Variants in PRSS23 observed in about 807,000 individuals in gnomAD.
PRSS23 encodes the protein protease, serine 23.
PRSS23 carries 25 observed loss-of-function variants against 34.7 expected under a neutral mutation model. The observed-to-expected ratio is 0.72, with a 90% CI of 0.53 to 1.01. The LOEUF (loss-of-function observed/expected upper bound fraction) is 1.01. Ranked by LOEUF, PRSS23 falls within the 50% of genes least tolerant of loss-of-function variation. The pLI is 0.00. For synonymous variants in PRSS23, 176 were observed against 186.6 expected (o/e 0.94, Z 0.46); for missense variants, 445 against 475.6 (o/e 0.94, Z 0.60).
chr11:86,807,498 T>G, intron 1 of PRSS23, 133 bp from the exon 2 acceptor site: 2 of 877,670 alleles, frequency 2.3e-6, no homozygotes, highest in Non-Finnish European at 3.5e-6. Context: ...TAAGGATTCC[T>G]CTCCACACCC....
chr11:86,896,923 T>C (rs1006801049), intron 2 of PRSS23, among the ~76,000 whole-genome samples: 2 of 152,236 alleles, frequency 1.3e-5, no homozygotes, highest in Admixed American at 6.5e-5. Flanking sequence ...ATACATCTTA[T>C]ACATATGTAT....
chr11:86,793,734 T>G (rs1947965224), intron 1 of PRSS23, among the ~76,000 whole-genome samples: 1 of 152,180 alleles, frequency 6.6e-6, no homozygotes, highest in Non-Finnish European at 1.5e-5. Context: ...ATTCATTAAT[T>G]TAATCATTTA....
chr11:86,931,585 T>A (rs1376830644), intron 2 of PRSS23, among the ~76,000 whole-genome samples: 1 of 152,146 alleles, frequency 6.6e-6, no homozygotes, highest in African/African-American at 2.4e-5. Context: ...GAAGGAGACA[T>A]TGACTGGAAA....
chr11:86,809,372 A>G lies in PRSS23; in HGVS notation c.*577A>G, dbSNP rs1948151343. The stretch of plus-strand genomic sequence containing the variant: ...ATGGTAGTCTTTGAACAGTAAAATG[A>G]TGTGTTGACTATACTGATACACATA... On this transcript the variant is annotated 3_prime_UTR_variant, in exon 2 of 2. Coordinates refer to ENST00000280258, the MANE Select transcript of PRSS23 (RefSeq NM_007173.6). 1.2e-5 allele frequency: 2 copies of G among 167,376 alleles called. No individual in the cohort carries two copies. The highest frequency in any genetic ancestry group is 4.8e-5 in the African/African-American group (2 of 41,456). The allele number at this position is 167,376 out of a possible 1,614,324, so 10.4% of individuals were successfully genotyped here. A position where few individuals can be genotyped will look rare whatever the true frequency, so the allele number is the denominator to read the frequency against.
At position 86,855,526 on chromosome 11, in the gene PRSS23, C is replaced by T. The variant is rs57359459; in HGVS notation, c.206+31933C>T. On this transcript the variant is annotated intron_variant, in intron 2 of 2. Transcript: ENST00000533902. ...TGCGTGTGTGTGTGTGATGGAGTCT[C>T]GTTCTCTTGCCCAGGTTGGAGTATA... 9.1e-3 allele frequency among the ~76,000 whole-genome samples: 1,391 copies of T among 152,188 alleles called. 14 individuals are homozygous for T. The highest frequency in any genetic ancestry group is 0.032 in the African/African-American group (1,346 of 41,514).
At chr11:86,875,833 G>C (rs1222515538) in intron 2 of PRSS23, among the ~76,000 whole-genome samples, 1 of 152,168 alleles carries the variant, frequency 6.6e-6, no homozygotes, top group Non-Finnish European at 1.5e-5. Context: ...CAGAGACTTT[G>C]GGCAGACCAA....
intron 1 of PRSS23, among the ~76,000 whole-genome samples, chr11:86,800,919 T>G (rs1948029099): frequency 6.6e-6 from 1 of 151,890 alleles, no homozygotes. Context: ...CCTGCTGTCT[T>G]GGGTGCAGGA....
chr11:86,812,081 G>A (rs1948182561), downstream of PRSS23, among the ~76,000 whole-genome samples: 1 of 152,218 alleles, frequency 6.6e-6, no homozygotes, highest in African/African-American at 2.4e-5. Context: ...TTATCATTCA[G>A]AATGGGATTC....
rs553359562 is a variant in PRSS23 at position 86,888,429 on chromosome 11, C to T, written c.207-62787C>T. On this transcript the variant is annotated intron_variant, in intron 2 of 2. Coordinates refer to the PRSS23 transcript ENST00000533902. ...ATTTCAACAACTGGGGGTAAATCCT[C>T]TAAGGAGAATCACTCTAAATCCAAG... Among the ~76,000 whole-genome samples, 173 of 152,264 alleles carry T rather than the reference C, an allele frequency of 1.1e-3. 1 individual carries two copies. The highest frequency in any genetic ancestry group is 2.2e-3 in the Non-Finnish European group (147 of 68,010).
intron 2 of PRSS23, among the ~76,000 whole-genome samples, chr11:86,927,419 T>C (rs568602745): frequency 2.6e-5 from 4 of 152,336 alleles, no homozygotes; most frequent in African/African-American, 9.6e-5. Flanking sequence ...CCAGTTGGCA[T>C]TGAGTAGAAT....
intron 2 of PRSS23, among the ~76,000 whole-genome samples, chr11:86,865,882 G>A (rs1195766223): frequency 1.3e-5 from 2 of 152,172 alleles, no homozygotes; most frequent in East Asian, 3.8e-4. Context: ...AAAGTCCTTT[G>A]AATTGAAGTT....
At chr11:86,853,363 T>C (rs529718952) in intron 2 of PRSS23, among the ~76,000 whole-genome samples, 10 of 148,928 alleles carry the variant, frequency 6.7e-5, no homozygotes, top group Middle Eastern at 3.5e-3. Context: ...CAAGCGATCT[T>C]GTGCCTCAGC....
intron 2 of PRSS23, among the ~76,000 whole-genome samples, chr11:86,881,746 T>G (rs1367532386): frequency 6.6e-6 from 1 of 152,174 alleles, no homozygotes; most frequent in East Asian, 1.9e-4. Flanking sequence ...TGTGGGAAGT[T>G]TTCTCATTAG....
At chr11:86,901,844 C>T (rs1318456083) in intron 2 of PRSS23, among the ~76,000 whole-genome samples, 1 of 152,090 alleles carries the variant, frequency 6.6e-6, no homozygotes, top group African/African-American at 2.4e-5. Flanking sequence ...CCAGTCATTC[C>T]TTTGGTTTTC....
chr11:86,924,985 T>C (rs1949071094), intron 2 of PRSS23: 2 of 152,124 alleles, frequency 1.3e-5, no homozygotes, highest in South Asian at 2.1e-4. Flanking sequence ...CCGAGGGGAG[T>C]TGACCCTTCA....
chr11:86,839,150 G>A (rs1590888126), intron 2 of PRSS23, among the ~76,000 whole-genome samples: 2 of 152,130 alleles, frequency 1.3e-5, no homozygotes, highest in African/African-American at 4.8e-5. Flanking sequence ...TGAGCTTAAC[G>A]AGTTGACAGA....
At chr11:86,867,210 C>T (rs1450565321) in intron 2 of PRSS23, among the ~76,000 whole-genome samples, 2 of 152,220 alleles carry the variant, frequency 1.3e-5, no homozygotes, top group African/African-American at 4.8e-5. Flanking sequence ...CACAACTTCT[C>T]TGTGATAAAA....
chr11:86,860,634 T>C (rs1323927978), intron 2 of PRSS23, among the ~76,000 whole-genome samples: 2 of 151,938 alleles, frequency 1.3e-5, no homozygotes, highest in Non-Finnish European at 2.9e-5. Flanking sequence ...AGGGAGTGGA[T>C]GATATTACTC....
intron 2 of PRSS23, among the ~76,000 whole-genome samples, chr11:86,869,265 A>C (rs753279866): frequency 6.6e-6 from 1 of 152,204 alleles, no homozygotes; most frequent in African/African-American, 2.4e-5. Flanking sequence ...AGATAATAAC[A>C]TGAGGGAGAC....
Sources: gnomAD v4.1 joint callset for allele counts (sites outside exome capture counted in the v4.1 genomes callset) on GRCh38, gnomAD v4.1.1 for gene constraint, MANE v1.5 for transcripts, NCBI Gene and HGNC (gene_info 2026-07-23, HGNC 2026-07-21) for gene names.